The following EPHA6 variants were observed in gnomAD, a reference collection of about 807,000 sequenced individuals.
The protein encoded by EPHA6 is ephrin type-A receptor 6.
A neutral mutation model predicts 112.0 loss-of-function variants in EPHA6; 50 were observed. The observed-to-expected ratio is 0.45, with a 90% CI of 0.36 to 0.56. The LOEUF is 0.56. Ranked by LOEUF, EPHA6 falls within the 20% of genes least tolerant of loss-of-function variation. The pLI, the probability that EPHA6 is intolerant of heterozygous loss-of-function variation, is 0.00. For synonymous variants in EPHA6, 529 were observed against 490.7 expected (o/e 1.08, Z -1.03); for missense variants, 1,280 against 1,417.4 (o/e 0.90, Z 1.56).
chr3:96,880,447 T>C (rs537160219), intron 2 of EPHA6, among the ~76,000 whole-genome samples: 30 of 152,136 alleles, frequency 2.0e-4, no homozygotes, highest in African/African-American at 6.7e-4. Context: ...GAAGAATCAG[T>C]TTAAAATACA....
intron 5 of EPHA6, among the ~76,000 whole-genome samples, chr3:97,378,714 C>G (rs906328954): frequency 6.6e-6 from 1 of 152,140 alleles, no homozygotes; most frequent in African/African-American, 2.4e-5. Context: ...TTTGACTGCC[C>G]CATTGGATTT....
intron 5 of EPHA6, among the ~76,000 whole-genome samples, chr3:97,372,126 C>G (rs865954442): frequency 5.9e-5 from 9 of 152,078 alleles, no homozygotes; most frequent in African/African-American, 2.2e-4. Context: ...CCTATTCGTA[C>G]ACTCCCTCCC....
At chr3:97,144,457 CTT>C (rs59921776) in intron 3 of EPHA6, among the ~76,000 whole-genome samples, 9 of 145,118 alleles carry the variant, frequency 6.2e-5, no homozygotes, top group Non-Finnish European at 9.2e-5. Context: ...TCTTTTTTAG[CTT>C]TTTTTTTTTC....
intron 13 of EPHA6, among the ~76,000 whole-genome samples, chr3:97,612,819 TC>T: frequency 6.6e-6 from 1 of 152,172 alleles, no homozygotes; most frequent in South Asian, 2.1e-4. Context: ...TGTTTACTCA[TC>T]CACCTCATAC....
chr3:96,900,756 G>C (rs549483062), intron 2 of EPHA6, among the ~76,000 whole-genome samples: 2 of 152,358 alleles, frequency 1.3e-5, no homozygotes, highest in Admixed American at 1.3e-4. Context: ...ATTCATCTCT[G>C]TCAGTCATGG....
Position 97,592,671 on chromosome 3 carries a change from T to C in EPHA6, c.2446T>C (p.Leu816=). ...CCCCAGCTTCCTGAGGGCAGGGTTT[T>C]TAAATAGCATCCAGGCCCCGCATCC... ...FCPSFLRAGF[L]NSIQAPHPVP... is the part of the protein sequence containing the mutation. Residue 816 remains leucine (L), a synonymous_variant, in exon 12 of 18, where the codon TTA becomes CTA. Coordinates refer to ENST00000389672, the MANE Select transcript of EPHA6 (RefSeq NM_001080448.3). The C allele has an allele frequency of 6.2e-7, 1 of 1,613,244 alleles. No individual in the cohort carries two copies. The highest frequency in any genetic ancestry group is 1.1e-5 in the South Asian group (1 of 90,930).
intron 10 of EPHA6, among the ~76,000 whole-genome samples, chr3:97,517,794 CCTT>C (rs2092471054): frequency 6.6e-6 from 1 of 152,194 alleles, no homozygotes; most frequent in Admixed American, 6.5e-5. Context: ...CATTCTCCTC[CCTT>C]CTTCTATTAG....
At chr3:97,643,263 GC>G (rs2094026430) in intron 14 of EPHA6, among the ~76,000 whole-genome samples, 2 of 149,884 alleles carry the variant, frequency 1.3e-5, no homozygotes, top group Admixed American at 1.3e-4. Flanking sequence ...TCACCACCAG[GC>G]CTGCCCTAAA....
intron 3 of EPHA6, among the ~76,000 whole-genome samples, chr3:97,089,187 TGTACCA>T (rs2046992011): frequency 6.6e-6 from 1 of 152,120 alleles, no homozygotes. Flanking sequence ...TTTGTGAAGC[TGTACCA>T]GTGAGAACTG....
intron 3 of EPHA6, among the ~76,000 whole-genome samples, chr3:96,989,592 A>G (rs1444724830): frequency 6.6e-6 from 1 of 152,258 alleles, no homozygotes; most frequent in East Asian, 1.9e-4. Flanking sequence ...TAATTTATGA[A>G]GGAAAGAGTT....
chr3:97,021,834 A>G (rs2044472198), intron 3 of EPHA6, among the ~76,000 whole-genome samples: 1 of 152,164 alleles, frequency 6.6e-6, no homozygotes, highest in Non-Finnish European at 1.5e-5. Flanking sequence ...GACACAATGT[A>G]GTCTATATCA....
intron 2 of EPHA6, among the ~76,000 whole-genome samples, chr3:96,900,601 C>G (rs990929638): frequency 6.6e-6 from 1 of 152,178 alleles, no homozygotes; most frequent in Non-Finnish European, 1.5e-5. Flanking sequence ...ACAGAGAATA[C>G]GGCTGTGACA....
intron 11 of EPHA6, among the ~76,000 whole-genome samples, chr3:97,592,218 T>C (rs1194756767): frequency 1.3e-5 from 2 of 152,232 alleles, no homozygotes; most frequent in East Asian, 1.9e-4. Context: ...CCTGTTGTTA[T>C]AGCATATATC....
At chr3:97,119,587 A>G (rs546401148) in intron 3 of EPHA6, among the ~76,000 whole-genome samples, 35 of 152,124 alleles carry the variant, frequency 2.3e-4, no homozygotes, top group African/African-American at 8.2e-4. Flanking sequence ...TCAGTAGCTT[A>G]AAAAGAAATG....
At chr3:96,842,582 C>A (rs73131516) in intron 1 of EPHA6, among the ~76,000 whole-genome samples, 1 of 152,098 alleles carries the variant, frequency 6.6e-6, no homozygotes, top group Non-Finnish European at 1.5e-5. Flanking sequence ...TAGAGGTACA[C>A]CCTAAATTTC....
chr3:97,522,765 C>G (rs964196534), intron 10 of EPHA6, among the ~76,000 whole-genome samples: 3 of 151,956 alleles, frequency 2.0e-5, no homozygotes, highest in African/African-American at 7.2e-5. Flanking sequence ...ACTTTGTCCT[C>G]GTAGATTCCA....
At chr3:96,856,302 C>G (rs761398912) in intron 1 of EPHA6, among the ~76,000 whole-genome samples, 1 of 151,988 alleles carries the variant, frequency 6.6e-6, no homozygotes, top group Admixed American at 6.6e-5. Flanking sequence ...ATATTGGACT[C>G]TATGCCTAAA....
At chr3:97,655,715 G>T (rs1445564398) in intron 14 of EPHA6, among the ~76,000 whole-genome samples, 1 of 145,326 alleles carries the variant, frequency 6.9e-6, no homozygotes, top group African/African-American at 2.5e-5. Context: ...GAGAACACAT[G>T]GACACAGGAA....
At chr3:97,690,185 G>A (rs1162418441) in intron 14 of EPHA6, among the ~76,000 whole-genome samples, 1 of 152,158 alleles carries the variant, frequency 6.6e-6, no homozygotes, top group African/African-American at 2.4e-5. Flanking sequence ...AGTTAAACAG[G>A]ATAACTCTGT....
Sources: gnomAD v4.1 joint callset for allele counts (sites outside exome capture counted in the v4.1 genomes callset) on GRCh38, gnomAD v4.1.1 for gene constraint, MANE v1.5 for transcripts, NCBI Gene and HGNC (gene_info 2026-07-23, HGNC 2026-07-21) for gene names.